The following DACH1 variants were observed in gnomAD, a reference collection of about 807,000 sequenced individuals.
DACH1 encodes the protein dachshund family transcription factor 1.
DACH1 carries 12 observed loss-of-function variants against 54.2 expected under a neutral mutation model. The ratio of observed to expected loss-of-function variants is 0.22; its 90% CI spans 0.14 to 0.36. The LOEUF (loss-of-function observed/expected upper bound fraction) is 0.36. Ranked by LOEUF, DACH1 falls within the 10% of genes least tolerant of loss-of-function variation. DACH1 has a pLI of 1.00. For missense variants in DACH1, 805 were observed against 929.8 expected, an observed-to-expected ratio of 0.87 and a Z score of 1.75; for synonymous variants, 386 against 366.2, an observed-to-expected ratio of 1.05 and a Z score of -0.62.
intron 3 of DACH1, among the ~76,000 whole-genome samples, chr13:71,620,132 C>T (rs1374488114): frequency 1.3e-5 from 2 of 151,864 alleles, no homozygotes; most frequent in Non-Finnish European, 2.9e-5. Context: ...CTTATATTAT[C>T]TGATAGACCC....
At chr13:71,749,392 G>A (rs1376540110) in intron 1 of DACH1, among the ~76,000 whole-genome samples, 1 of 151,918 alleles carries the variant, frequency 6.6e-6, no homozygotes, top group African/African-American at 2.4e-5. Context: ...TCTATTTAAT[G>A]TATAATTTGA....
At chr13:71,612,162 G>A (rs535374068) in intron 3 of DACH1, among the ~76,000 whole-genome samples, 1 of 152,144 alleles carries the variant, frequency 6.6e-6, no homozygotes, top group East Asian at 1.9e-4. Flanking sequence ...ATAGTGTTAT[G>A]AGTTATGGCC....
intron 1 of DACH1, among the ~76,000 whole-genome samples, chr13:71,826,546 C>T (rs1888389729): frequency 6.6e-6 from 1 of 152,038 alleles, no homozygotes; most frequent in Non-Finnish European, 1.5e-5. Context: ...CTTGTCCATG[C>T]CATCCCACTG....
chr13:71,630,262 T>C (rs1277285871), intron 3 of DACH1, among the ~76,000 whole-genome samples: 1 of 152,188 alleles, frequency 6.6e-6, no homozygotes, highest in Non-Finnish European at 1.5e-5. Context: ...CTCAATGTTT[T>C]AGAATTCTCT....
intron 6 of DACH1, among the ~76,000 whole-genome samples, chr13:71,528,150 ATGT>A (rs1205250005): frequency 1.3e-5 from 2 of 152,172 alleles, no homozygotes; most frequent in East Asian, 1.9e-4. Flanking sequence ...GGAAAGAAAT[ATGT>A]TGTTGTGTTT....
At chr13:71,849,218 C>G (rs1873496517) in intron 1 of DACH1, among the ~76,000 whole-genome samples, 1 of 152,116 alleles carries the variant, frequency 6.6e-6, no homozygotes, top group African/African-American at 2.4e-5. Flanking sequence ...TTCTTGCTAC[C>G]TTAAGTAACA....
chr13:71,497,792 G>C (rs1593790374), intron 6 of DACH1, among the ~76,000 whole-genome samples: 3 of 151,912 alleles, frequency 2.0e-5, no homozygotes, highest in Admixed American at 2.0e-4. Flanking sequence ...ATTTGGGAAA[G>C]GGCAAAGAAT....
intron 10 of DACH1, among the ~76,000 whole-genome samples, chr13:71,445,057 T>A (rs1316575907): frequency 6.6e-6 from 1 of 152,114 alleles, no homozygotes; most frequent in African/African-American, 2.4e-5. Flanking sequence ...TGAAGTCATA[T>A]AAAGTGAGCC....
chr13:71,643,852 A>C lies in DACH1; in HGVS notation c.965-13135T>G, dbSNP rs7998581. ...CTCAACCTTCCTAGCTCAGGGAAAG[A>C]AGAAAAAAAAAAGACAAAGAGAGAT... On this transcript the variant is annotated intron_variant, in intron 2 of 10. Transcript: ENST00000613252. 3.3e-3 allele frequency among the ~76,000 whole-genome samples: 504 copies of C among 152,260 alleles called. 6 individuals are homozygous for C. Among genetic ancestry groups the C allele is most frequent in the African/African-American group, 0.012 (483 of 41,560 alleles).
chr13:71,757,648 T>C (rs1594184796), intron 1 of DACH1, among the ~76,000 whole-genome samples: 1 of 151,622 alleles, frequency 6.6e-6, no homozygotes, highest in East Asian at 2.0e-4. Context: ...CTCAACCTCC[T>C]GAGTAGCTGG....
At chr13:71,822,037 G>A (rs1888209321) in intron 1 of DACH1, among the ~76,000 whole-genome samples, 1 of 151,942 alleles carries the variant, frequency 6.6e-6, no homozygotes, top group Admixed American at 6.6e-5. Context: ...CTCCAGCCTG[G>A]CAACAGAGCG....
At chr13:71,625,796 A>G (rs993249784) in intron 3 of DACH1, among the ~76,000 whole-genome samples, 2 of 152,038 alleles carry the variant, frequency 1.3e-5, no homozygotes, top group Admixed American at 6.6e-5. Flanking sequence ...AGAAAATACT[A>G]AAGTCTTACA....
chr13:71,487,993 G>C lies in DACH1; in HGVS notation c.1722+1004C>G, dbSNP rs1878677227. The stretch of plus-strand genomic sequence containing the variant: ...TTATAAAACCTTAAAGTTGAATACA[G>C]TTCTGGAGACTCTAATTACATTAGT... On this transcript the variant is annotated intron_variant, in intron 7 of 10. Coordinates refer to ENST00000613252, the MANE Select transcript of DACH1 (RefSeq NM_080759.6). Among the ~76,000 whole-genome samples, 3 of 152,098 alleles carry C rather than the reference G, an allele frequency of 2.0e-5. No homozygotes were observed. In the South Asian group the frequency reaches 6.2e-4, roughly 31 times the overall value.
chr13:71,737,638 T>C (rs1227352146), intron 1 of DACH1, among the ~76,000 whole-genome samples: 1 of 152,198 alleles, frequency 6.6e-6, no homozygotes, highest in African/African-American at 2.4e-5. Flanking sequence ...GAGGGTTCTT[T>C]TTGCTGTTGT....
chr13:71,606,323 C>T (rs78804888), intron 3 of DACH1, among the ~76,000 whole-genome samples: 18,162 of 151,936 alleles, frequency 0.12, 1,712 homozygotes, highest in East Asian at 0.44. Flanking sequence ...CTTTCTAAAT[C>T]AGTTTGATAA....
chr13:71,715,931 G>C (rs546264673), intron 1 of DACH1, among the ~76,000 whole-genome samples: 1 of 151,954 alleles, frequency 6.6e-6, no homozygotes, highest in East Asian at 1.9e-4. Flanking sequence ...TTTTTCTCTT[G>C]AGTTTGAAAT....
chr13:71,560,130 G>A (rs1248048447), intron 4 of DACH1, among the ~76,000 whole-genome samples, 175 bp from the exon 5 acceptor site: 6 of 152,264 alleles, frequency 3.9e-5, no homozygotes. Context: ...GCCAAATAAA[G>A]TAGAAAAAGA....
chr13:71,632,057 T>C (rs959191412), intron 2 of DACH1, among the ~76,000 whole-genome samples: 2 of 151,228 alleles, frequency 1.3e-5, no homozygotes, highest in African/African-American at 4.9e-5. Context: ...GTGAGCACAC[T>C]TGGGTGACAG....
At chr13:71,615,318 C>T (rs1326143490) in intron 3 of DACH1, among the ~76,000 whole-genome samples, 1 of 152,154 alleles carries the variant, frequency 6.6e-6, no homozygotes, top group African/African-American at 2.4e-5. Context: ...CAGTCTTAAT[C>T]TGGCTAATGT....
Sources: gnomAD v4.1 joint callset for allele counts (sites outside exome capture counted in the v4.1 genomes callset) on GRCh38, gnomAD v4.1.1 for gene constraint, MANE v1.5 for transcripts, NCBI Gene and HGNC (gene_info 2026-07-23, HGNC 2026-07-21) for gene names.